The following DNAJC1 variants were observed in gnomAD, a reference collection of about 807,000 sequenced individuals.
DNAJC1 encodes DnaJ heat shock protein family (Hsp40) member C1.
In DNAJC1, 58 loss-of-function variants were observed where a neutral mutation model predicts 76.6. That is an observed-to-expected ratio of 0.76 (90% CI 0.61 to 0.94). DNAJC1 has a LOEUF of 0.94. Among genes scored for constraint, DNAJC1 ranks in the 40% least tolerant of loss-of-function variants. DNAJC1 has a pLI of 0.00. For missense variants in DNAJC1, 689 were observed against 677.3 expected, an observed-to-expected ratio of 1.02 and a Z score of -0.19; for synonymous variants, 258 against 267.9, an observed-to-expected ratio of 0.96 and a Z score of 0.36.
At chr10:21,812,838 T>C (rs569368656) in intron 8 of DNAJC1, among the ~76,000 whole-genome samples, 3 of 152,126 alleles carry the variant, frequency 2.0e-5, no homozygotes, top group African/African-American at 7.2e-5. Flanking sequence ...TGGTGTTAAC[T>C]ATACAGCCAT....
At chr10:21,866,458 C>T (rs191613184) in intron 8 of DNAJC1, among the ~76,000 whole-genome samples, 1 of 151,774 alleles carries the variant, frequency 6.6e-6, no homozygotes, top group Non-Finnish European at 1.5e-5. Flanking sequence ...AAATAAACTG[C>T]AACACTTTAT....
intron 8 of DNAJC1, among the ~76,000 whole-genome samples, chr10:21,813,220 C>CTATATATATATA (rs777283982): frequency 1.7e-3 from 32 of 19,068 alleles, no homozygotes; most frequent in South Asian, 2.5e-3. Context: ...CTCTCTCTCT[C>CTATATATATATA]TATATATATA....
rs544975763 is a variant in DNAJC1 at position 21,854,090 on chromosome 10, C to T, written c.978+28192G>A. Among the ~76,000 whole-genome samples the T allele has an allele frequency of 4.6e-5, 7 of 152,082 alleles. No individual in the cohort carries two copies. In the Middle Eastern group the frequency reaches 0.01, roughly 222 times the overall value. On this transcript the variant is annotated intron_variant, in intron 8 of 11. Coordinates refer to ENST00000376980, the MANE Select transcript of DNAJC1 (RefSeq NM_022365.4). The stretch of plus-strand genomic sequence containing the variant: ...AATTTAATTACATTTACCCTATAGA[C>T]ACTACAGTGGATACAAAGATAAAAA...
intron 6 of DNAJC1, among the ~76,000 whole-genome samples, chr10:21,910,808 A>G (rs976274663): frequency 3.4e-4 from 45 of 133,040 alleles, no homozygotes; most frequent in Non-Finnish European, 6.1e-4. Flanking sequence ...GCCCAGAACA[A>G]GAAAAGAAAG....
chr10:21,900,246 G>C (rs1836626941), intron 7 of DNAJC1, among the ~76,000 whole-genome samples: 3 of 151,600 alleles, frequency 2.0e-5, no homozygotes, highest in Admixed American at 2.0e-4. Flanking sequence ...GGGAGGCTGA[G>C]ACAGAAGAAT....
At chr10:21,921,511 T>G (rs534569894) in intron 3 of DNAJC1, among the ~76,000 whole-genome samples, 2 of 152,124 alleles carry the variant, frequency 1.3e-5, no homozygotes, top group South Asian at 4.1e-4. Context: ...CCTATAAAAT[T>G]GAGTGTCTTT....
chr10:21,913,038 T>C (rs1836894170), intron 6 of DNAJC1, among the ~76,000 whole-genome samples: 1 of 151,476 alleles, frequency 6.6e-6, no homozygotes. Flanking sequence ...AGAAGATTCC[T>C]CTATTTTCTC....
chr10:21,999,721 G>A (rs1024031975), intron 1 of DNAJC1, among the ~76,000 whole-genome samples: 7 of 152,140 alleles, frequency 4.6e-5, no homozygotes, highest in African/African-American at 1.7e-4. Context: ...CCAAAGTGCT[G>A]GGATTACAGG....
chr10:21,806,359 C>G (rs777950891), intron 8 of DNAJC1, among the ~76,000 whole-genome samples: 4 of 152,034 alleles, frequency 2.6e-5, no homozygotes, highest in Non-Finnish European at 5.9e-5. Context: ...TATTGCAAAA[C>G]CAGGTTTTGC....
At chr10:21,801,141 A>C (rs1348858891) in intron 9 of DNAJC1, among the ~76,000 whole-genome samples, 1 of 152,216 alleles carries the variant, frequency 6.6e-6, no homozygotes, top group African/African-American at 2.4e-5. Flanking sequence ...AGTATATTTA[A>C]ATGTTTTGAA....
intron 1 of DNAJC1, among the ~76,000 whole-genome samples, chr10:21,960,419 A>G (rs1241755326): frequency 6.6e-6 from 1 of 152,232 alleles, no homozygotes; most frequent in Non-Finnish European, 1.5e-5. Context: ...ATTAAAGGAA[A>G]CAATCAAGAA....
intron 1 of DNAJC1, among the ~76,000 whole-genome samples, chr10:21,976,555 G>C (rs1260495745): frequency 6.6e-6 from 1 of 152,158 alleles, no homozygotes; most frequent in Non-Finnish European, 1.5e-5. Context: ...TAATTCCTAA[G>C]ACGCTAGTCA....
chr10:21,879,399 G>A (rs367611525), intron 8 of DNAJC1, among the ~76,000 whole-genome samples: 12 of 152,216 alleles, frequency 7.9e-5, no homozygotes, highest in East Asian at 7.7e-4. Context: ...TGAGACAGGC[G>A]GATCACTTGA....
chr10:21,981,466 G>A (rs1316183178), intron 1 of DNAJC1, among the ~76,000 whole-genome samples: 1 of 152,112 alleles, frequency 6.6e-6, no homozygotes, highest in African/African-American at 2.4e-5. Flanking sequence ...AATTTGGGCT[G>A]GGCCTTTAAG....
intron 6 of DNAJC1, among the ~76,000 whole-genome samples, chr10:21,906,342 C>T (rs1836745071): frequency 6.6e-6 from 1 of 151,776 alleles, no homozygotes; most frequent in African/African-American, 2.4e-5. Context: ...TTTTATAGCC[C>T]TTAACATTCC....
At chr10:21,952,458 T>C (rs1236833646) in intron 1 of DNAJC1, among the ~76,000 whole-genome samples, 1 of 152,156 alleles carries the variant, frequency 6.6e-6, no homozygotes, top group Non-Finnish European at 1.5e-5. Context: ...TTCTTTTTGT[T>C]TTTTTAAAGA....
intron 6 of DNAJC1, 134 bp from the exon 7 acceptor site, chr10:21,904,746 G>A: frequency 2.0e-6 from 1 of 493,958 alleles, no homozygotes; most frequent in Non-Finnish European, 3.5e-6. Context: ...ATTTTATGAT[G>A]AGCAGAAATT....
chr10:21,976,602 G>A (rs1458555330), intron 1 of DNAJC1, among the ~76,000 whole-genome samples: 14 of 152,094 alleles, frequency 9.2e-5, no homozygotes, highest in Admixed American at 8.5e-4. Context: ...TATTAGTGGG[G>A]GAGAGTTAAA....
At chr10:21,998,133 G>C (rs561531977) in intron 1 of DNAJC1, among the ~76,000 whole-genome samples, 1 of 152,192 alleles carries the variant, frequency 6.6e-6, no homozygotes, top group East Asian at 1.9e-4. Flanking sequence ...GTTCACGCCT[G>C]TAATCCCAAC....
Sources: gnomAD v4.1 joint callset for allele counts (sites outside exome capture counted in the v4.1 genomes callset) on GRCh38, gnomAD v4.1.1 for gene constraint, MANE v1.5 for transcripts, NCBI Gene and HGNC (gene_info 2026-07-23, HGNC 2026-07-21) for gene names.